The following TRABD variants were observed in gnomAD, a reference collection of about 807,000 sequenced individuals.
The protein encoded by TRABD is TraB domain containing.
A neutral mutation model predicts 39.6 loss-of-function variants in TRABD; 23 were observed. The ratio of observed to expected loss-of-function variants is 0.58; its 90% CI spans 0.42 to 0.82. TRABD has a LOEUF of 0.82. Among genes scored for constraint, TRABD ranks in the 40% least tolerant of loss-of-function variants. The pLI is 0.00. For missense variants in TRABD, 487 were observed against 544.9 expected, an observed-to-expected ratio of 0.89 and a Z score of 1.06; for synonymous variants, 243 against 232.1, an observed-to-expected ratio of 1.05 and a Z score of -0.43.
rs1180367613 is a variant in TRABD, at chr22:50,198,835, C to G, written c.*316C>G. The G allele has an allele frequency of 1.5e-5, 8 of 547,188 alleles. No individual in the cohort carries two copies. The highest frequency in any genetic ancestry group is 2.6e-5 in the Non-Finnish European group (8 of 307,942). 33.9% of individuals were successfully genotyped at this position (547,188 alleles called of 1,614,324 possible). A position where few individuals can be genotyped will look rare whatever the true frequency, so the allele number is the denominator to read the frequency against. On this transcript the variant is annotated 3_prime_UTR_variant, in exon 10 of 10. Coordinates refer to ENST00000380909, the MANE Select transcript of TRABD (RefSeq NM_001320485.2). The surrounding 1 kb of genome is among the most constrained non-coding windows in gnomAD (Gnocchi z 7.9). ...GAGGGGCCGAGGCGTGCGCTGCCCT[C>G]TCAGCCCTGGTGGCAGGCGGGGGAC... is the stretch of plus-strand genomic sequence containing the variant.
At chr22:50,193,547 C>A in intron 2 of TRABD, 29 bp from the exon 3 acceptor site, 1 of 1,611,916 alleles carries the variant, frequency 6.2e-7, no homozygotes, top group South Asian at 1.1e-5. Flanking sequence ...TGCATGGACC[C>A]TGACTTGAAC....
chr22:50,186,319 G>A (rs1017323327), intron 1 of TRABD, among the ~76,000 whole-genome samples: 1 of 144,766 alleles, frequency 6.9e-6, no homozygotes, highest in Admixed American at 6.8e-5. Context: ...AGGTCGTTGG[G>A]GGGGCCAGGC....
chr22:50,195,165 G>A lies in TRABD; in HGVS notation c.420+125G>A, dbSNP rs992490334. 184 of 1,298,082 alleles carry A rather than the reference G, an allele frequency of 1.4e-4. 1 individual carries two copies. The highest frequency in any genetic ancestry group is 1.8e-4 in the Non-Finnish European group (173 of 974,058). The allele number at this position is 1,298,082 out of a possible 1,614,324, so 80.4% of individuals were successfully genotyped here. On this transcript the variant is annotated intron_variant, in intron 5 of 9. Coordinates refer to ENST00000380909, the MANE Select transcript of TRABD (RefSeq NM_001320485.2). ...GTGGCTGTGCCTGGCCTGCCCTGGGGATTGCCGGGTTAGGGACCTCCCCTG... is the reference window on the plus strand; with the variant it reads ...GTGGCTGTGCCTGGCCTGCCCTGGGAATTGCCGGGTTAGGGACCTCCCCTG...
chr22:50,189,155 A>G lies in TRABD; in HGVS notation c.-35+3179A>G, dbSNP rs139299347. ...CCTTCGGGACAGACTGTGCTGCGGC[A>G]GAGAAGCTCGAGGCCGAGGCTGACC... On this transcript the variant is annotated intron_variant, in intron 1 of 9. Coordinates refer to ENST00000380909, the MANE Select transcript of TRABD (RefSeq NM_001320485.2). Among the ~76,000 whole-genome samples the G allele has an allele frequency of 4.5e-3, 692 of 152,316 alleles. 4 individuals are homozygous for G. The highest frequency in any genetic ancestry group is 0.015 in the African/African-American group (642 of 41,570).
intron 5 of TRABD, among the ~76,000 whole-genome samples, chr22:50,196,478 C>T (rs548933290): frequency 8.5e-5 from 13 of 152,210 alleles, no homozygotes; most frequent in Non-Finnish European, 1.8e-4. Flanking sequence ...CACGTGGACA[C>T]CCCCGTGGTG....
chr22:50,187,155 AGGGT>A (rs942799758), intron 1 of TRABD, among the ~76,000 whole-genome samples: 30 of 143,552 alleles, frequency 2.1e-4, no homozygotes, highest in African/African-American at 7.0e-4. Flanking sequence ...GGGGCCTGGC[AGGGT>A]GGGTGGGTGG....
In TRABD at chr22:50,189,369, G is replaced by A. The variant is rs537003174; in HGVS notation, c.-35+3393G>A. Among the ~76,000 whole-genome samples the A allele has an allele frequency of 2.4e-4, 36 of 152,330 alleles. No individual in the cohort carries two copies. In the East Asian group the frequency reaches 5.8e-3, roughly 24 times the overall value. Reference sequence around the variant, plus strand: ...CTGTCTGCCGGCTACCCATGCTCAGGAGGCATGTCCCACAAATCGTGTTCA... The same window carrying A: ...CTGTCTGCCGGCTACCCATGCTCAGAAGGCATGTCCCACAAATCGTGTTCA... On this transcript the variant is annotated intron_variant, in intron 1 of 9. Transcript: ENST00000380909.
intron 7 of TRABD, 58 bp from the exon 8 acceptor site, chr22:50,197,765 C>CCCCCCCCCCCCCCCCCCCTTG: frequency 3.2e-5 from 24 of 754,040 alleles, no homozygotes; most frequent in Non-Finnish European, 5.1e-5. Flanking sequence ...ACAGTGCCAG[C>CCCCCCCCCCCCCCCCCCCTTG]CCCACCCCCC....
At chr22:50,195,078 G>A in intron 5 of TRABD, 38 bp downstream of exon 5, 1 of 1,522,698 alleles carries the variant, frequency 6.6e-7, no homozygotes, top group African/African-American at 1.4e-5. Context: ...TCAGGGTCGG[G>A]GTCAAAGCCA....
At chr22:50,194,737 G>A (rs1163947969) in intron 4 of TRABD, among the ~76,000 whole-genome samples, 163 bp from the exon 5 acceptor site, 1 of 152,208 alleles carries the variant, frequency 6.6e-6, no homozygotes, top group South Asian at 2.1e-4. Flanking sequence ...TTCCTCTCTC[G>A]TCGCTTAGAG....
intron 1 of TRABD, among the ~76,000 whole-genome samples, chr22:50,189,603 G>A (rs2063841287): frequency 1.3e-5 from 2 of 152,272 alleles, no homozygotes; most frequent in African/African-American, 4.8e-5. Flanking sequence ...CTGTCCCCCC[G>A]GAGGGGCAGC....
At position 50,198,823 on chromosome 22, in the gene TRABD, G is replaced by T; in HGVS notation, c.*304G>T. 1 of 544,196 alleles carries T rather than the reference G, an allele frequency of 1.8e-6. No homozygotes were observed. Among genetic ancestry groups the T allele is most frequent in the South Asian group, 2.3e-5 (1 of 43,096 alleles). The allele number at this position is 544,196 out of a possible 1,614,324, so 33.7% of individuals were successfully genotyped here. A position where few individuals can be genotyped will look rare whatever the true frequency, so the allele number is the denominator to read the frequency against. ...AGGGGCTTATAGGAGGGGCCGAGGC[G>T]TGCGCTGCCCTCTCAGCCCTGGTGG... On this transcript the variant is annotated 3_prime_UTR_variant, in exon 10 of 10. Transcript: ENST00000380909. The surrounding 1 kb of genome is among the most constrained non-coding windows in gnomAD (Gnocchi z 7.9).
rs2064222672 is a variant in TRABD, at chr22:50,198,778, A to G, written c.*259A>G. 1 of 540,594 alleles carries G rather than the reference A, an allele frequency of 1.8e-6. No homozygotes were observed. Among genetic ancestry groups the G allele is most frequent in the Non-Finnish European group, 3.3e-6 (1 of 306,730 alleles). 33.5% of individuals were successfully genotyped at this position (540,594 alleles called of 1,614,324 possible). On this transcript the variant is annotated 3_prime_UTR_variant, in exon 10 of 10. Coordinates refer to ENST00000380909, the MANE Select transcript of TRABD (RefSeq NM_001320485.2). The surrounding 1 kb of genome is among the most constrained non-coding windows in gnomAD (Gnocchi z 7.9). Reference sequence around the variant, plus strand: ...GGCCGTTCCCCAGCTTCTGGACAAGACACCCAGCTCCGAGGGGGCAGGGGC... The same window carrying G: ...GGCCGTTCCCCAGCTTCTGGACAAGGCACCCAGCTCCGAGGGGGCAGGGGC...
chr22:50,197,555 C>T lies in TRABD; in HGVS notation c.638C>T (p.Ala213Val), dbSNP rs1391026480. 4 of 1,613,472 alleles carry T rather than the reference C, an allele frequency of 2.5e-6. No homozygotes were observed. In the South Asian group the frequency reaches 4.4e-5, roughly 18 times the overall value. Residue 213 changes from alanine to valine, a missense_variant, in exon 7 of 10, where the codon GCT (alanine) becomes GTT (valine). By Grantham distance (64) the Ala-to-Val change is moderately conservative. Coordinates refer to ENST00000380909, the MANE Select transcript of TRABD (RefSeq NM_001320485.2). ...ALSFWQKVRLAWGLCFLSDPI... is the reference protein window; with the variant it reads ...ALSFWQKVRLVWGLCFLSDPI... ...TCCTTCTGGCAGAAGGTCAGGCTGG[C>T]TTGGGGCCTGTGCTTCCTGTCAGAC...
At chr22:50,191,365 T>C (rs1057489308) in intron 1 of TRABD, among the ~76,000 whole-genome samples, 11 of 152,158 alleles carry the variant, frequency 7.2e-5, no homozygotes, top group African/African-American at 2.4e-4. Context: ...ACACCCAAGC[T>C]TGGAGGCATC....
chr22:50,198,077 G>C lies in TRABD; in HGVS notation c.847G>C (p.Glu283Gln), dbSNP rs370115508. 1.2e-6 allele frequency: 2 copies of C among 1,612,526 alleles called. No homozygotes were observed. The highest frequency in any genetic ancestry group is 4.5e-5 in the East Asian group (2 of 44,860). ...RLELPRASDA[E>Q]PRKCVPSVVV... ...TGACCCCTTGTCCTTCCCCACAGCCGAGCCCAGGAAGTGCGTCCCCTCCGT... is the reference window on the plus strand; with the variant it reads ...TGACCCCTTGTCCTTCCCCACAGCCCAGCCCAGGAAGTGCGTCCCCTCCGT... Residue 283 changes from glutamate (E) to glutamine (Q), a missense_variant and splice_region_variant, in exon 9 of 10, where the codon GAG becomes CAG. Glu to Gln is a conservative substitution (Grantham distance 29). This residue lies in a region of TRABD where 358 missense variants were observed against 414.7 expected (regional missense o/e 0.86). Coordinates refer to ENST00000380909, the MANE Select transcript of TRABD (RefSeq NM_001320485.2). This position sits in a 1 kb window ranked among gnomAD's most constrained non-coding sequence, Gnocchi z 7.9.
intron 1 of TRABD, among the ~76,000 whole-genome samples, chr22:50,189,167 G>A (rs112439536): frequency 0.029 from 4,477 of 152,298 alleles, 232 homozygotes; most frequent in African/African-American, 0.1. Flanking sequence ...AGAAGCTCGA[G>A]GCCGAGGCTG....
chr22:50,195,128 C>A, intron 5 of TRABD, 88 bp downstream of exon 5: 4 of 1,449,750 alleles, frequency 2.8e-6, no homozygotes, highest in Non-Finnish European at 3.7e-6. Flanking sequence ...ACAGCCCATG[C>A]CCCCAGTCAG....
In TRABD at chr22:50,198,058, C is replaced by CT; in HGVS notation, c.845-15dup. 1 of 1,612,384 alleles carries CT rather than the reference C, an allele frequency of 6.2e-7. No homozygotes were observed. The highest frequency in any genetic ancestry group is 8.5e-7 in the Non-Finnish European group (1 of 1,179,536). On this transcript the variant is annotated splice_polypyrimidine_tract_variant and intron_variant, in intron 8 of 9. Coordinates refer to ENST00000380909, the MANE Select transcript of TRABD (RefSeq NM_001320485.2). This position sits in a 1 kb window ranked among gnomAD's most constrained non-coding sequence, Gnocchi z 7.9. The stretch of plus-strand genomic sequence containing the variant: ...CTGAGGCCCGAGCAGGTACTGACCC[C>CT]TTGTCCTTCCCCACAGCCGAGCCCA...
Sources: allele counts gnomAD v4.1 joint callset (sites outside exome capture counted in the v4.1 genomes callset), GRCh38; gene constraint gnomAD v4.1.1; regional missense constraint gnomAD v4.1.1; non-coding constraint Gnocchi (gnomAD v3.1); transcripts MANE v1.5; gene names NCBI Gene and HGNC (gene_info 2026-07-23, HGNC 2026-07-21).